DCDC1: variants seen among roughly 807,000 people sequenced by gnomAD.
DCDC1 encodes doublecortin domain containing 1, also known as doublecortin domain-containing protein 1.
A neutral mutation model predicts 178.3 loss-of-function variants in DCDC1; 200 were observed. The observed-to-expected ratio is 1.12, with a 90% CI of 1.00 to 1.26. The LOEUF (loss-of-function observed/expected upper bound fraction) is 1.26. Ranked by LOEUF, DCDC1 falls within the 50% of genes most tolerant of loss-of-function variation. The pLI, the probability that DCDC1 is intolerant of heterozygous loss-of-function variation, is 0.00. For synonymous variants in DCDC1, 690 were observed against 604.8 expected, an observed-to-expected ratio of 1.14 and a Z score of -2.07; for missense variants, 1,983 against 1,749.2, an observed-to-expected ratio of 1.13 and a Z score of -2.38.
At chr11:30,993,926 G>C (rs1245928632) in intron 20 of DCDC1, among the ~76,000 whole-genome samples, 5 of 152,074 alleles carry the variant, frequency 3.3e-5, no homozygotes, top group Non-Finnish European at 7.4e-5. Flanking sequence ...TAGAAGAGGA[G>C]AGAAAACTTC....
rs570062930 is a variant in DCDC1 at position 30,978,482 on chromosome 11, T to A, written c.2592-25914A>T. 2.6e-5 allele frequency among the ~76,000 whole-genome samples: 4 copies of A among 152,306 alleles called. No individual in the cohort carries two copies. The East Asian group carries it at 7.7e-4, about 29-fold the overall frequency. On this transcript the variant is annotated intron_variant, in intron 20 of 38. Coordinates refer to ENST00000684477, the MANE Select transcript of DCDC1 (RefSeq NM_001387274.1). Reference sequence around the variant, plus strand: ...TTTATTGATATGTAATATTTGTACATCTTTTTTATTGATACATAATATTTG... The same window carrying A: ...TTTATTGATATGTAATATTTGTACAACTTTTTTATTGATACATAATATTTG...
intron 36 of DCDC1, among the ~76,000 whole-genome samples, chr11:30,884,933 A>G (rs1943032358): frequency 6.6e-6 from 1 of 152,110 alleles, no homozygotes; most frequent in Non-Finnish European, 1.5e-5. Context: ...TACGATGTTG[A>G]ACTGTAATTC....
At chr11:31,154,109 A>ACT (rs201507900) in intron 9 of DCDC1, among the ~76,000 whole-genome samples, 4 of 150,090 alleles carry the variant, frequency 2.7e-5, no homozygotes, top group Admixed American at 6.6e-5. Context: ...ACTTCCCCTC[A>ACT]CTCTCTCTCT....
At chr11:30,979,864 ATCT>A (rs1950298481) in intron 20 of DCDC1, among the ~76,000 whole-genome samples, 1 of 152,154 alleles carries the variant, frequency 6.6e-6, no homozygotes, top group Non-Finnish European at 1.5e-5. Context: ...ATGTGAGATG[ATCT>A]TCTCTCTGTT....
intron 9 of DCDC1, among the ~76,000 whole-genome samples, chr11:31,226,456 C>T (rs1051614886): frequency 6.6e-6 from 1 of 151,384 alleles, no homozygotes; most frequent in African/African-American, 2.4e-5. Context: ...AGGTAAACCC[C>T]CGAATAAAAA....
intron 20 of DCDC1, among the ~76,000 whole-genome samples, chr11:31,023,274 T>G (rs889266922): frequency 6.6e-6 from 1 of 152,114 alleles, no homozygotes; most frequent in Non-Finnish European, 1.5e-5. Context: ...TCCATGTGTA[T>G]GCATATATGT....
chr11:31,153,628 C>G (rs887121646), intron 9 of DCDC1, among the ~76,000 whole-genome samples: 2 of 151,876 alleles, frequency 1.3e-5, no homozygotes, highest in Non-Finnish European at 2.9e-5. Flanking sequence ...CCTAAAAATA[C>G]AAAAATCAGC....
rs139030864 is a variant in DCDC1 at position 31,271,868 on chromosome 11, C to T, written c.961-6268G>A. ...TGCAGGGAAACTTCTCCTTATAAAA[C>T]GATCAGACCTCAGGCCAGGCATGGT... On this transcript the variant is annotated intron_variant, in intron 7 of 38. Coordinates refer to ENST00000684477, the MANE Select transcript of DCDC1 (RefSeq NM_001387274.1). Among the ~76,000 whole-genome samples the T allele has an allele frequency of 1.2e-3, 187 of 152,110 alleles. 1 individual carries two copies. The highest frequency in any genetic ancestry group is 4.2e-3 in the African/African-American group (173 of 41,524).
intron 30 of DCDC1, 118 bp downstream of exon 30, chr11:30,906,422 C>A: frequency 9.7e-7 from 1 of 1,030,746 alleles, no homozygotes; most frequent in African/African-American, 1.6e-5. Context: ...AAAGGTGCAT[C>A]TGAGGAAGAT....
At chr11:31,147,483 C>T (rs1019610222) in intron 9 of DCDC1, among the ~76,000 whole-genome samples, 8 of 152,160 alleles carry the variant, frequency 5.3e-5, no homozygotes, top group Middle Eastern at 3.2e-3. Context: ...CTAGTTTTGG[C>T]AGCTTTGTAC....
In DCDC1 at chr11:31,194,101, C is replaced by T. The variant is rs535638373; in HGVS notation, c.1221+47349G>A. 5.3e-5 allele frequency among the ~76,000 whole-genome samples: 8 copies of T among 152,204 alleles called. No homozygotes were observed. In the South Asian group the frequency reaches 1.7e-3, roughly 32 times the overall value. ...CTGAATGTTCTTAGCCCCAGCACCA[C>T]TGCAGTCATTTGGCTACGAAGAGTA... On this transcript the variant is annotated intron_variant, in intron 9 of 38. Transcript: ENST00000684477.
At chr11:31,239,111 A>G (rs1976803372) in intron 9 of DCDC1, among the ~76,000 whole-genome samples, 2 of 152,104 alleles carry the variant, frequency 1.3e-5, no homozygotes, top group Admixed American at 1.3e-4. Flanking sequence ...AGTGAAATAA[A>G]TTGAAATAAT....
At chr11:31,311,241 C>G (rs902342509) in intron 3 of DCDC1, among the ~76,000 whole-genome samples, 4 of 152,148 alleles carry the variant, frequency 2.6e-5, no homozygotes, top group Admixed American at 6.5e-5. Context: ...TACTGGCAAG[C>G]CTGCATATGG....
intron 20 of DCDC1, among the ~76,000 whole-genome samples, chr11:30,994,354 C>T (rs1322425333): frequency 6.6e-6 from 1 of 151,810 alleles, no homozygotes; most frequent in Non-Finnish European, 1.5e-5. Flanking sequence ...TGCAGTGGCA[C>T]AATCTCCACT....
At chr11:31,174,318 C>T (rs1019545206) in intron 9 of DCDC1, among the ~76,000 whole-genome samples, 7 of 152,202 alleles carry the variant, frequency 4.6e-5, no homozygotes, top group Non-Finnish European at 1.0e-4. Flanking sequence ...CAGGCATTGT[C>T]GCAACCTGGC....
At position 30,932,026 on chromosome 11, in the gene DCDC1, A is replaced by G; in HGVS notation, c.2716-74T>C. 3 of 1,402,256 alleles carry G rather than the reference A, an allele frequency of 2.1e-6. No individual in the cohort carries two copies. The South Asian group carries it at 4.8e-5, about 22-fold the overall frequency. 86.9% of individuals were successfully genotyped at this position (1,402,256 alleles called of 1,614,324 possible). The stretch of plus-strand genomic sequence containing the variant: ...CATGTCTAGATTTTTAAAAATATTA[A>G]ACACAGTTTATACCTTTAATCTCTC... On this transcript the variant is annotated intron_variant, in intron 21 of 38. Transcript: ENST00000684477.
At chr11:31,274,916 G>T (rs1945868635) in intron 7 of DCDC1, among the ~76,000 whole-genome samples, 1 of 151,964 alleles carries the variant, frequency 6.6e-6, no homozygotes, top group Non-Finnish European at 1.5e-5. Flanking sequence ...TGCCAGGCTG[G>T]TCTTGAACTC....
chr11:30,889,562 G>A (rs1307630905), intron 36 of DCDC1, among the ~76,000 whole-genome samples: 1 of 152,104 alleles, frequency 6.6e-6, no homozygotes, highest in African/African-American at 2.4e-5. Flanking sequence ...CCTGCTGCCT[G>A]TTCATTTCTC....
intron 10 of DCDC1, among the ~76,000 whole-genome samples, chr11:31,134,213 G>A (rs1962827945): frequency 1.3e-5 from 2 of 152,208 alleles, no homozygotes; most frequent in African/African-American, 4.8e-5. Flanking sequence ...TGGCAATGGG[G>A]TTATGTTGAT....
Sources: allele counts gnomAD v4.1 joint callset (sites outside exome capture counted in the v4.1 genomes callset), GRCh38; gene constraint gnomAD v4.1.1; transcripts MANE v1.5; gene names NCBI Gene and HGNC (gene_info 2026-07-23, HGNC 2026-07-21).